The following PDGFD variants were observed in gnomAD, a reference collection of about 807,000 sequenced individuals.
PDGFD encodes platelet-derived growth factor D.
A neutral mutation model predicts 44.7 loss-of-function variants in PDGFD; 30 were observed. The ratio of observed to expected loss-of-function variants is 0.67; its 90% confidence interval spans 0.50 to 0.91. The LOEUF (loss-of-function observed/expected upper bound fraction) is 0.91. Ranked by LOEUF, PDGFD falls within the 40% of genes least tolerant of loss-of-function variation. PDGFD has a pLI of 0.00. For missense variants in PDGFD, 445 were observed against 457.8 expected (o/e 0.97, Z 0.25); for synonymous variants, 173 against 168.4 (o/e 1.03, Z -0.21).
At chr11:104,163,766 A>ATT in intron 1 of PDGFD, 38 bp downstream of exon 1, 2 of 1,488,614 alleles carry the variant, frequency 1.3e-6, no homozygotes, top group Non-Finnish European at 1.8e-6. Flanking sequence ...AGCAAACATG[A>ATT]TTTTTTTTTC....
intron 3 of PDGFD, among the ~76,000 whole-genome samples, chr11:103,973,305 A>ATTT (rs35172142): frequency 6.9e-6 from 1 of 144,264 alleles, no homozygotes. Context: ...TGCCCGGCCA[A>ATTT]TTTTTTTTTT....
intron 1 of PDGFD, among the ~76,000 whole-genome samples, chr11:104,009,871 G>A (rs182654394): frequency 5.3e-4 from 81 of 152,230 alleles, no homozygotes; most frequent in Non-Finnish European, 7.4e-5. Flanking sequence ...CTAACGCACT[G>A]AAGCTTGCAA....
chr11:104,133,604 G>A (rs748403974), intron 1 of PDGFD, among the ~76,000 whole-genome samples: 1 of 152,048 alleles, frequency 6.6e-6, no homozygotes, highest in Non-Finnish European at 1.5e-5. Flanking sequence ...TCCTCCCTTA[G>A]GATCTTATTG....
At chr11:103,962,825 A>C (rs1049930080) in intron 3 of PDGFD, among the ~76,000 whole-genome samples, 1 of 152,156 alleles carries the variant, frequency 6.6e-6, no homozygotes, top group Non-Finnish European at 1.5e-5. Flanking sequence ...ACATGAAACT[A>C]TCTGGCTCAG....
intron 1 of PDGFD, among the ~76,000 whole-genome samples, chr11:104,025,002 C>T (rs534691127): frequency 6.6e-6 from 1 of 152,304 alleles, no homozygotes; most frequent in South Asian, 2.1e-4. Flanking sequence ...CAGGAGTCAA[C>T]AGGATACCAA....
chr11:104,060,502 G>C (rs1860697062), intron 1 of PDGFD, among the ~76,000 whole-genome samples: 1 of 152,176 alleles, frequency 6.6e-6, no homozygotes, highest in African/African-American at 2.4e-5. Context: ...GGGTTGAAAG[G>C]CTGCCCCTGG....
intron 1 of PDGFD, among the ~76,000 whole-genome samples, chr11:104,085,118 A>G (rs1007255122): frequency 6.7e-6 from 1 of 148,844 alleles, no homozygotes; most frequent in Non-Finnish European, 1.5e-5. Flanking sequence ...CTTTTTTTAT[A>G]TATATTAAAT....
At chr11:103,961,531 A>G (rs1316992402) in intron 3 of PDGFD, among the ~76,000 whole-genome samples, 1 of 152,180 alleles carries the variant, frequency 6.6e-6, no homozygotes, top group Non-Finnish European at 1.5e-5. Context: ...GACTGGCATC[A>G]TCTGGGATCT....
intron 1 of PDGFD, among the ~76,000 whole-genome samples, chr11:104,079,419 AC>A (rs1460843598): frequency 1.3e-5 from 2 of 152,086 alleles, no homozygotes; most frequent in African/African-American, 4.8e-5. Flanking sequence ...ACAGAGTCTC[AC>A]ACTGTTGCCT....
At chr11:103,999,624 T>C (rs1859588305) in intron 2 of PDGFD, among the ~76,000 whole-genome samples, 1 of 152,128 alleles carries the variant, frequency 6.6e-6, no homozygotes, top group South Asian at 2.1e-4. Flanking sequence ...GCTGGCGTAA[T>C]TCATTATGGG....
chr11:103,998,093 T>C (rs953206785), intron 2 of PDGFD, among the ~76,000 whole-genome samples: 1 of 152,208 alleles, frequency 6.6e-6, no homozygotes, highest in African/African-American at 2.4e-5. Context: ...CCTTCTGTGA[T>C]ATTGTAATAA....
intron 5 of PDGFD, among the ~76,000 whole-genome samples, chr11:103,930,622 C>T (rs914313224): frequency 2.0e-5 from 3 of 151,946 alleles, no homozygotes; most frequent in Admixed American, 2.0e-4. Context: ...GAATCCAGGC[C>T]TCTTCATGCC....
At chr11:104,079,250 T>C (rs769574153) in intron 1 of PDGFD, among the ~76,000 whole-genome samples, 16 of 152,216 alleles carry the variant, frequency 1.1e-4, no homozygotes, top group African/African-American at 1.4e-4. Flanking sequence ...TAGGTGATAG[T>C]ATTTACTCAA....
At chr11:104,133,078 C>T (rs1436211276) in intron 1 of PDGFD, among the ~76,000 whole-genome samples, 3 of 152,080 alleles carry the variant, frequency 2.0e-5, no homozygotes, top group African/African-American at 7.2e-5. Context: ...ACCAATGTCA[C>T]TTCTGTTACA....
intron 3 of PDGFD, among the ~76,000 whole-genome samples, chr11:103,964,337 C>A (rs765624880): frequency 7.9e-5 from 12 of 152,022 alleles, no homozygotes; most frequent in Non-Finnish European, 1.5e-4. Context: ...AGAAACAGAC[C>A]TTTGTTTCTA....
intron 1 of PDGFD, among the ~76,000 whole-genome samples, chr11:104,092,560 A>G (rs1861226515): frequency 6.6e-6 from 1 of 152,200 alleles, no homozygotes; most frequent in Non-Finnish European, 1.5e-5. Context: ...ACAGATTACT[A>G]GACATCTCTG....
intron 6 of PDGFD, among the ~76,000 whole-genome samples, chr11:103,915,073 G>C (rs10895542): frequency 0.46 from 69,669 of 151,992 alleles, 16,075 homozygotes; most frequent in South Asian, 0.49. Context: ...TCCTATTCAA[G>C]ATACTATTGG....
intron 1 of PDGFD, among the ~76,000 whole-genome samples, chr11:104,083,772 A>G (rs754542200): frequency 2.0e-5 from 3 of 152,234 alleles, no homozygotes; most frequent in East Asian, 1.9e-4. Context: ...ATTTGCTGAT[A>G]TATTTCCACA....
rs374534408 is a variant in PDGFD, at chr11:103,935,766, T to C, written c.772+7686A>G. On this transcript the variant is annotated intron_variant, in intron 5 of 6. Coordinates refer to ENST00000393158, the MANE Select transcript of PDGFD (RefSeq NM_025208.5). ...AAATAATAACAGTAGCTATCATTTA[T>C]TGAGGGTGTTAGATACTCTTTCATT... Among the ~76,000 whole-genome samples the C allele has an allele frequency of 1.1e-4, 16 of 152,312 alleles. No homozygotes were observed. The South Asian group carries it at 2.1e-3, about 20-fold the overall frequency.
Sources: gnomAD v4.1 joint callset for allele counts (sites outside exome capture counted in the v4.1 genomes callset) on GRCh38, gnomAD v4.1.1 for gene constraint, MANE v1.5 for transcripts, NCBI Gene and HGNC (gene_info 2026-07-23, HGNC 2026-07-21) for gene names.